Variants in YIPF4 observed in about 807,000 individuals in gnomAD.
YIPF4 encodes the protein Yip1 domain family member 4.
YIPF4 carries 18 observed loss-of-function variants against 29.4 expected under a neutral mutation model. The observed-to-expected ratio is 0.61, with a 90% confidence interval of 0.42 to 0.91. The LOEUF (loss-of-function observed/expected upper bound fraction) is 0.91. YIPF4 is among the 40% of genes least tolerant of loss of function. YIPF4 has a pLI of 0.00. For missense variants in YIPF4, 279 were observed against 282.7 expected (o/e 0.99, Z 0.09); for synonymous variants, 115 against 104.7 (o/e 1.10, Z -0.60).
chr2:32,284,698 G>C (rs1323181148), intron 1 of YIPF4, among the ~76,000 whole-genome samples: 1 of 152,192 alleles, frequency 6.6e-6, no homozygotes, highest in Non-Finnish European at 1.5e-5. Context: ...AGCAATGCAA[G>C]AATGGACTAA....
intron 3 of YIPF4, among the ~76,000 whole-genome samples, chr2:32,293,400 T>G (rs953167405): frequency 6.6e-6 from 1 of 152,178 alleles, no homozygotes; most frequent in African/African-American, 2.4e-5. Flanking sequence ...AGAGCACAGG[T>G]TTGGGGGTAA....
chr2:32,298,319 G>A lies in YIPF4; in HGVS notation c.483+8G>A, dbSNP rs756403607. On this transcript the variant is annotated splice_region_variant and intron_variant, in intron 4 of 5. Coordinates refer to ENST00000238831, the MANE Select transcript of YIPF4 (RefSeq NM_032312.4). ...AGAGTTCTTGGTGGAGAAGTAAGTA[G>A]TTTATTTTGAAAATAATCTTCCTTA... 7 of 1,590,078 alleles carry A rather than the reference G, an allele frequency of 4.4e-6. No individual in the cohort carries two copies. The highest frequency in any genetic ancestry group is 3.3e-5 in the South Asian group (3 of 89,842).
intron 3 of YIPF4, among the ~76,000 whole-genome samples, chr2:32,293,846 A>G (rs1573534572): frequency 9.1e-6 from 1 of 110,144 alleles, no homozygotes; most frequent in African/African-American, 3.6e-5. Flanking sequence ...CGGGGGGCTG[A>G]CCCCCCCACC....
intron 2 of YIPF4, 29 bp downstream of exon 2, chr2:32,290,665 T>A: frequency 7.3e-7 from 1 of 1,364,044 alleles, no homozygotes; most frequent in Non-Finnish European, 9.5e-7. Context: ...ATATATTTTT[T>A]GTTTTTTGAG....
At chr2:32,281,237 CTTT>C (rs369444924) in intron 1 of YIPF4, among the ~76,000 whole-genome samples, 1 of 144,884 alleles carries the variant, frequency 6.9e-6, no homozygotes. Flanking sequence ...CTCATTTGAT[CTTT>C]TTTTTTTTTT....
intron 4 of YIPF4, among the ~76,000 whole-genome samples, 199 bp downstream of exon 4, chr2:32,298,510 G>T (rs796436446): frequency 2.0e-5 from 3 of 151,930 alleles, no homozygotes; most frequent in Admixed American, 6.6e-5. Context: ...AAAATATCCC[G>T]TCCCATTTAT....
chr2:32,293,575 C>T (rs998690463), intron 3 of YIPF4, among the ~76,000 whole-genome samples: 3 of 152,250 alleles, frequency 2.0e-5, no homozygotes, highest in Non-Finnish European at 2.9e-5. Flanking sequence ...CCGCCATTGT[C>T]ATCGTGGCCC....
chr2:32,290,649 A>T lies in YIPF4; in HGVS notation c.233+13A>T. The T allele has an allele frequency of 7.0e-7, 1 of 1,421,258 alleles. No homozygotes were observed. The highest frequency in any genetic ancestry group is 9.2e-7 in the Non-Finnish European group (1 of 1,085,902). 88.0% of individuals were successfully genotyped at this position (1,421,258 alleles called of 1,614,324 possible). A position where few individuals can be genotyped will look rare whatever the true frequency, so the allele number is the denominator to read the frequency against. On this transcript the variant is annotated intron_variant, in intron 2 of 5. Transcript: ENST00000238831. Reference sequence around the variant, plus strand: ...ACAAGCCACTCTTGTATGTAAAAATAATAATATATATTTTTTGTTTTTTGA... The same window carrying T: ...ACAAGCCACTCTTGTATGTAAAAATTATAATATATATTTTTTGTTTTTTGA...
chr2:32,284,900 G>A (rs900155747), intron 1 of YIPF4, among the ~76,000 whole-genome samples: 1 of 152,146 alleles, frequency 6.6e-6, no homozygotes, highest in Non-Finnish European at 1.5e-5. Flanking sequence ...ATAAGATAGG[G>A]CATGTAGAGA....
At chr2:32,297,961 C>CT (rs36079020) in intron 3 of YIPF4, among the ~76,000 whole-genome samples, 18,417 of 151,118 alleles carry the variant, frequency 0.12, 1,198 homozygotes, top group Middle Eastern at 0.21. Flanking sequence ...ATAGTAAACA[C>CT]TTTTTTTTTG....
In YIPF4 at chr2:32,307,228, G is replaced by A. The variant is rs1447912441; in HGVS notation, c.*1602G>A. ...TTTGTTACACTTAAGAAATTGCTGA[G>A]GTTAATACTTTGTTATAATGGATTA... On this transcript the variant is annotated 3_prime_UTR_variant, in exon 6 of 6. Transcript: ENST00000238831. 2 of 960,780 alleles carry A rather than the reference G, an allele frequency of 2.1e-6. No homozygotes were observed. The highest frequency in any genetic ancestry group is 3.7e-5 in the Admixed American group (1 of 27,272). The allele number at this position is 960,780 out of a possible 1,614,324, so 59.5% of individuals were successfully genotyped here.
chr2:32,281,913 A>T (rs867636143), intron 1 of YIPF4, among the ~76,000 whole-genome samples: 1 of 123,546 alleles, frequency 8.1e-6, no homozygotes, highest in Non-Finnish European at 1.7e-5. Context: ...AAAAAAAAAA[A>T]AAGGCAACCA....
rs1472337848 is a variant in YIPF4, at chr2:32,312,961, C to G, written c.*7335C>G. On this transcript the variant is annotated 3_prime_UTR_variant, in exon 6 of 6. Transcript: ENST00000238831. ...AGCAGAGATCGCGCCACTGCACTCC[C>G]GCCTGGGTGACAGAGCGAGACTCTG... The G allele has an allele frequency of 6.6e-6, 1 of 151,936 alleles. No individual in the cohort carries two copies. The highest frequency in any genetic ancestry group is 1.9e-4 in the East Asian group (1 of 5,170). The allele number at this position is 151,936 out of a possible 1,614,324, so 9.4% of individuals were successfully genotyped here.
At chr2:32,303,407 T>C (rs2031472483) in intron 5 of YIPF4, among the ~76,000 whole-genome samples, 1 of 152,138 alleles carries the variant, frequency 6.6e-6, no homozygotes, top group South Asian at 2.1e-4. Context: ...GCTGTTGTTA[T>C]TACAAATATT....
In YIPF4 at chr2:32,277,989, G is replaced by T. The variant is rs1558470957; in HGVS notation, c.-167G>T. ...AAGACTTTGGTGGGGTAGTCTCGGG[G>T]CAGCTCAGCGGCCCGCTGTGCCCGT... On this transcript the variant is annotated 5_prime_UTR_variant, in exon 1 of 6. Transcript: ENST00000238831. The T allele has an allele frequency of 3.5e-6, 2 of 578,134 alleles. No individual in the cohort carries two copies. The highest frequency in any genetic ancestry group is 3.4e-5 in the East Asian group (1 of 29,498). The allele number at this position is 578,134 out of a possible 1,614,324, so 35.8% of individuals were successfully genotyped here.
chr2:32,291,143 A>G (rs2030895553), intron 2 of YIPF4, among the ~76,000 whole-genome samples: 3 of 152,244 alleles, frequency 2.0e-5, no homozygotes, highest in African/African-American at 4.8e-5. Flanking sequence ...GAAAAGAAGA[A>G]CCTATAGCTT....
rs1015821639 is a variant in YIPF4 at position 32,313,579 on chromosome 2, G to A, written c.*7953G>A. The A allele has an allele frequency of 1.7e-4, 26 of 152,048 alleles. No individual in the cohort carries two copies. Among genetic ancestry groups the A allele is most frequent in the African/African-American group, 5.1e-4 (21 of 41,374 alleles). The allele number at this position is 152,048 out of a possible 1,614,324, so 9.4% of individuals were successfully genotyped here. On this transcript the variant is annotated 3_prime_UTR_variant, in exon 6 of 6. Coordinates refer to ENST00000238831, the MANE Select transcript of YIPF4 (RefSeq NM_032312.4). ...GACGGTTTCTCCATGTAGGCCAAGC[G>A]GGTCTTGAACTCCCAACCTCCGGTG... is the stretch of plus-strand genomic sequence containing the variant.
chr2:32,278,255 G>A (rs532711813), intron 1 of YIPF4, 21 bp downstream of exon 1: 32 of 1,541,804 alleles, frequency 2.1e-5, no homozygotes, highest in South Asian at 1.8e-4. Flanking sequence ...GCCCCTGGAA[G>A]GGCTATCACC....
Position 32,277,968 on chromosome 2 carries a change from C to T in YIPF4, c.-188C>T, listed in dbSNP as rs936308510. ...GCTTGGGTGGTCGCCACCAAGAAGA[C>T]TTTGGTGGGGTAGTCTCGGGGCAGC... On this transcript the variant is annotated 5_prime_UTR_variant, in exon 1 of 6. Coordinates refer to ENST00000238831, the MANE Select transcript of YIPF4 (RefSeq NM_032312.4). The T allele has an allele frequency of 1.9e-4, 102 of 546,692 alleles. 1 individual carries two copies. The highest frequency in any genetic ancestry group is 4.7e-4 in the Middle Eastern group (1 of 2,120). 33.9% of individuals were successfully genotyped at this position (546,692 alleles called of 1,614,324 possible). A position where few individuals can be genotyped will look rare whatever the true frequency, so the allele number is the denominator to read the frequency against.
Sources: gnomAD v4.1 joint callset for allele counts (sites outside exome capture counted in the v4.1 genomes callset) on GRCh38, gnomAD v4.1.1 for gene constraint, MANE v1.5 for transcripts, NCBI Gene and HGNC (gene_info 2026-07-23, HGNC 2026-07-21) for gene names.